The following EYA1 variants were observed in gnomAD, a reference collection of about 807,000 sequenced individuals.
The protein encoded by EYA1 is EYA transcriptional coactivator and phosphatase 1.
EYA1 carries 16 observed loss-of-function variants against 82.0 expected under a neutral mutation model. The observed-to-expected ratio is 0.20, with a 90% confidence interval of 0.13 to 0.30. The LOEUF is 0.30. Ranked by LOEUF, EYA1 falls within the 10% of genes least tolerant of loss-of-function variation. The pLI is 1.00. For missense variants in EYA1, 633 were observed against 730.7 expected, an observed-to-expected ratio of 0.87 and a Z score of 1.54; for synonymous variants, 261 against 264.4, an observed-to-expected ratio of 0.99 and a Z score of 0.12.
chr8:71,436,826 AT>A (rs1806048978), intron 2 of EYA1, among the ~76,000 whole-genome samples: 1 of 152,132 alleles, frequency 6.6e-6, no homozygotes, highest in Non-Finnish European at 1.5e-5. Flanking sequence ...TGGAAGGTAA[AT>A]TCACACTAAT....
chr8:71,321,889 A>G lies in EYA1; in HGVS notation c.273-10T>C, dbSNP rs757413909. Reference sequence around the variant, plus strand: ...ATGTGGGTATGGTCTGCTATTTGTCAGAAATGACAGAAAATAGAAAGCCCA... The same window carrying G: ...ATGTGGGTATGGTCTGCTATTTGTCGGAAATGACAGAAAATAGAAAGCCCA... On this transcript the variant is annotated splice_polypyrimidine_tract_variant and intron_variant, in intron 5 of 17. Coordinates refer to ENST00000340726, the MANE Select transcript of EYA1 (RefSeq NM_000503.6). 1.2e-6 allele frequency: 2 copies of G among 1,614,244 alleles called. No individual in the cohort carries two copies. The highest frequency in any genetic ancestry group is 2.2e-5 in the East Asian group (1 of 44,884).
chr8:71,269,776 G>C lies in EYA1; in HGVS notation c.1014C>G (p.Ser338=). 1 of 1,613,752 alleles carries C rather than the reference G, an allele frequency of 6.2e-7. No homozygotes were observed. Among genetic ancestry groups the C allele is most frequent in the Non-Finnish European group, 8.5e-7 (1 of 1,179,770 alleles). ...DLDETIIVFH[S]LLTGSYANRY... ...TGTTGGCGTAGGACCCAGTAAGCAA[G>C]GAGTGGAAAACAATGATTGTCTCAT... The change falls in exon 11 of 18, where the codon TCC becomes TCG. Residue 338 remains serine (S), a synonymous_variant. Coordinates refer to ENST00000340726, the MANE Select transcript of EYA1 (RefSeq NM_000503.6).
Position 71,287,283 on chromosome 8 carries a change from T to G in EYA1, c.826+11764A>C, listed in dbSNP as rs80113766. ...AGAAATCTCCCACAAAAAACTTTTG[T>G]AAAATAAACTAAAGGCAAGTAAACT... On this transcript the variant is annotated intron_variant, in intron 9 of 17. Coordinates refer to ENST00000340726, the MANE Select transcript of EYA1 (RefSeq NM_000503.6). 4.5e-4 allele frequency among the ~76,000 whole-genome samples: 69 copies of G among 152,294 alleles called. 1 individual carries two copies. The East Asian group carries it at 0.012, about 27-fold the overall frequency.
intron 11 of EYA1, among the ~76,000 whole-genome samples, chr8:71,256,324 TC>T (rs1372338060): frequency 2.0e-5 from 3 of 151,946 alleles, no homozygotes; most frequent in Non-Finnish European, 4.4e-5. Context: ...GATAGATATA[TC>T]AAAAAAATAA....
intron 7 of EYA1, among the ~76,000 whole-genome samples, chr8:71,312,285 T>TC: frequency 6.6e-6 from 1 of 152,316 alleles, no homozygotes; most frequent in Admixed American, 6.5e-5. Flanking sequence ...TAAAAGCCAC[T>TC]CCTGTGAGCT....
In EYA1 at chr8:71,305,343, CAAT is replaced by C. The variant is rs112563326; in HGVS notation, c.557-5626_557-5624del. Among the ~76,000 whole-genome samples, 1,210 of 142,572 alleles carry C rather than the reference CAAT, an allele frequency of 8.5e-3. 104 individuals are homozygous for C. The highest frequency in any genetic ancestry group is 0.027 in the African/African-American group (1,077 of 40,346). The allele number at this position is 142,572 out of a possible 152,430, so 93.5% of individuals were successfully genotyped here. ...CCATTATAACCCATTATTTCTCAAT[CAAT>C]AAGTTTGGCAGAGATTGCTTCATGT... On this transcript the variant is annotated intron_variant, in intron 7 of 17. Coordinates refer to ENST00000340726, the MANE Select transcript of EYA1 (RefSeq NM_000503.6).
chr8:71,411,736 C>T lies in EYA1; in HGVS notation c.34-55225G>A, dbSNP rs1022591808. On this transcript the variant is annotated intron_variant, in intron 2 of 18. Transcript: ENST00000643681. ...TTAAAAAGTCAGGAAACAACAGGTG[C>T]TGGAGAGGATGTGGAGAAATAGGAA... Among the ~76,000 whole-genome samples, 5 of 144,170 alleles carry T rather than the reference C, an allele frequency of 3.5e-5. No individual in the cohort carries two copies. The South Asian group carries it at 1.2e-3, about 34-fold the overall frequency. 94.6% of individuals were successfully genotyped at this position (144,170 alleles called of 152,430 possible).
chr8:71,347,174 T>G (rs1481191534), intron 3 of EYA1, among the ~76,000 whole-genome samples: 26 of 152,246 alleles, frequency 1.7e-4, no homozygotes, highest in Admixed American at 1.7e-3. Flanking sequence ...GTCCATGTTT[T>G]AAAGTGTAAA....
chr8:71,529,732 TG>T (rs3214501), intron 2 of EYA1: 61,375 of 151,908 alleles, frequency 0.4, 15,360 homozygotes, highest in East Asian at 0.7. Flanking sequence ...TAAACCATGG[TG>T]GGTTAGCCAG....
intron 1 of EYA1, among the ~76,000 whole-genome samples, chr8:71,357,438 G>A (rs959603646): frequency 1.3e-5 from 2 of 152,232 alleles, no homozygotes; most frequent in African/African-American, 2.4e-5. Context: ...AGGTGATAAA[G>A]CTCAGGTGAG....
chr8:71,540,170 C>G (rs946360188), intron 1 of EYA1, among the ~76,000 whole-genome samples: 1 of 152,028 alleles, frequency 6.6e-6, no homozygotes, highest in Non-Finnish European at 1.5e-5. Flanking sequence ...ATAATTTAAA[C>G]TCTCCCTGGG....
At chr8:71,277,966 C>T (rs1817395117) in intron 9 of EYA1, among the ~76,000 whole-genome samples, 1 of 152,008 alleles carries the variant, frequency 6.6e-6, no homozygotes, top group Non-Finnish European at 1.5e-5. Context: ...TCTGTAAATA[C>T]CACAGATTTC....
chr8:71,264,301 C>T lies in EYA1; in HGVS notation c.1050+5439G>A, dbSNP rs1282465050. On this transcript the variant is annotated intron_variant, in intron 11 of 17. Coordinates refer to ENST00000340726, the MANE Select transcript of EYA1 (RefSeq NM_000503.6). ...GAGTAGGAACAACAATCTCTACTGG[C>T]GAACTGAGCTGTTCTGATGAAATGG... 3.3e-5 allele frequency among the ~76,000 whole-genome samples: 5 copies of T among 152,230 alleles called. No homozygotes were observed. The South Asian group carries it at 6.2e-4, about 19-fold the overall frequency.
intron 9 of EYA1, among the ~76,000 whole-genome samples, chr8:71,275,507 C>A (rs1194682228): frequency 6.6e-6 from 1 of 152,092 alleles, no homozygotes; most frequent in African/African-American, 2.4e-5. Context: ...AAACTGACAC[C>A]ATATGTAATT....
chr8:71,281,894 C>T lies in EYA1; in HGVS notation c.827-9997G>A, dbSNP rs561743647. Among the ~76,000 whole-genome samples the T allele has an allele frequency of 3.2e-4, 48 of 152,356 alleles. 1 individual carries two copies. The East Asian group carries it at 8.1e-3, about 26-fold the overall frequency. On this transcript the variant is annotated intron_variant, in intron 9 of 17. Transcript: ENST00000340726. ...TATCACAGAGCACCTATGTGCCAGG[C>T]AACACACTCAGCACCAGGGATGTGA... is the stretch of plus-strand genomic sequence containing the variant.
At chr8:71,464,870 A>G (rs1808664043) in intron 2 of EYA1, among the ~76,000 whole-genome samples, 1 of 152,314 alleles carries the variant, frequency 6.6e-6, no homozygotes, top group Admixed American at 6.5e-5. Flanking sequence ...TGCAAAGGAC[A>G]TGTAGGACAT....
intron 3 of EYA1, among the ~76,000 whole-genome samples, chr8:71,351,886 G>A (rs1337513843): frequency 1.3e-5 from 2 of 152,162 alleles, no homozygotes; most frequent in Non-Finnish European, 2.9e-5. Context: ...ATAACTCTGA[G>A]TGAAAAAAGA....
chr8:71,261,240 A>AAGG (rs1230894756), intron 11 of EYA1, among the ~76,000 whole-genome samples: 2 of 152,198 alleles, frequency 1.3e-5, no homozygotes, highest in Admixed American at 6.5e-5. Context: ...ACGAGACCCA[A>AAGG]AGGTTCCATT....
chr8:71,543,038 T>C (rs1239119348), intron 1 of EYA1, among the ~76,000 whole-genome samples: 1 of 152,250 alleles, frequency 6.6e-6, no homozygotes, highest in Non-Finnish European at 1.5e-5. Context: ...TCCTTTGCTG[T>C]GCAGAAGCTC....
Sources: allele counts gnomAD v4.1 joint callset (sites outside exome capture counted in the v4.1 genomes callset), GRCh38; gene constraint gnomAD v4.1.1; transcripts MANE v1.5; gene names NCBI Gene and HGNC (gene_info 2026-07-23, HGNC 2026-07-21).